Variants in ATG7 observed in about 807,000 individuals in gnomAD.
ATG7 encodes the protein autophagy related 7.
ATG7 carries 70 observed loss-of-function variants against 82.4 expected under a neutral mutation model. The observed-to-expected ratio is 0.85, with a 90% CI of 0.70 to 1.04. The LOEUF (loss-of-function observed/expected upper bound fraction) is 1.04, where lower values mean the gene tolerates loss of function less well. ATG7 is among the 50% of genes least tolerant of loss of function. The probability of loss-of-function intolerance (pLI) is 0.00; values close to 1 mark genes in which losing one functional copy is unlikely to be tolerated. For missense variants in ATG7, 792 were observed against 864.3 expected (o/e 0.92, Z 1.05); for synonymous variants, 287 against 313.0 (o/e 0.92, Z 0.88).
intron 19 of ATG7, among the ~76,000 whole-genome samples, chr3:11,413,124 T>C (rs770532934): frequency 8.5e-5 from 13 of 152,218 alleles, no homozygotes; most frequent in Non-Finnish European, 1.9e-4. Context: ...GAAATCGTTT[T>C]ACTTCTTCCT....
intron 19 of ATG7, among the ~76,000 whole-genome samples, chr3:11,388,659 A>G (rs2078513906): frequency 1.3e-5 from 2 of 151,832 alleles, no homozygotes; most frequent in Non-Finnish European, 2.9e-5. Flanking sequence ...GGATCTCCTG[A>G]CCTCATGATC....
At chr3:11,486,820 G>GTTTT (rs34251925) in intron 20 of ATG7, among the ~76,000 whole-genome samples, 2 of 132,024 alleles carry the variant, frequency 1.5e-5, no homozygotes, top group East Asian at 2.1e-4. Flanking sequence ...CTTTGGTTCT[G>GTTTT]TTTTTTTTTT....
the ATG7 span, among the ~76,000 whole-genome samples, chr3:11,564,369 C>T: frequency 6.6e-6 from 1 of 151,372 alleles, no homozygotes; most frequent in Non-Finnish European, 1.5e-5. Flanking sequence ...TGACATTTCC[C>T]TTCATCCGCG....
At chr3:11,517,470 G>GA (rs1160404057) in intron 20 of ATG7, among the ~76,000 whole-genome samples, 2 of 148,274 alleles carry the variant, frequency 1.3e-5, no homozygotes, top group Non-Finnish European at 2.9e-5. Flanking sequence ...TGAATTAAAA[G>GA]AAAAAAAACT....
At chr3:11,385,580 A>G (rs143374061) in intron 19 of ATG7, among the ~76,000 whole-genome samples, 16 of 152,324 alleles carry the variant, frequency 1.1e-4, no homozygotes, top group Middle Eastern at 3.4e-3. Flanking sequence ...TAAGCCAATA[A>G]TGATCTGTTC....
At chr3:11,460,000 G>A (rs1384062773) in intron 20 of ATG7, among the ~76,000 whole-genome samples, 1 of 152,144 alleles carries the variant, frequency 6.6e-6, no homozygotes, top group African/African-American at 2.4e-5. Flanking sequence ...GTCTCAAATC[G>A]TACAGAGATT....
intron 20 of ATG7, among the ~76,000 whole-genome samples, chr3:11,471,745 CTT>C (rs200590021): frequency 2.2e-4 from 23 of 105,688 alleles, no homozygotes; most frequent in African/African-American, 3.0e-4. Flanking sequence ...TTTTAGATTT[CTT>C]TTTTTTTTTT....
chr3:11,306,089 C>T (rs1473038238), intron 5 of ATG7, among the ~76,000 whole-genome samples: 1 of 152,216 alleles, frequency 6.6e-6, no homozygotes. Context: ...AACTCCTCTT[C>T]TCTTCTCCTG....
intron 5 of ATG7, among the ~76,000 whole-genome samples, chr3:11,303,839 C>A (rs1304927928): frequency 6.7e-6 from 1 of 149,714 alleles, no homozygotes; most frequent in Non-Finnish European, 1.5e-5. Flanking sequence ...CTTTGGGAGG[C>A]CGAGGCGGGT....
At chr3:11,552,788 G>GC (rs935090326) in intron 20 of ATG7, among the ~76,000 whole-genome samples, 17 of 152,222 alleles carry the variant, frequency 1.1e-4, no homozygotes, top group African/African-American at 3.6e-4. Context: ...CTGTCCAGGA[G>GC]CAAGGGGTCA....
intron 20 of ATG7, among the ~76,000 whole-genome samples, chr3:11,490,357 A>G (rs1306528291): frequency 2.0e-5 from 3 of 152,086 alleles, no homozygotes; most frequent in Non-Finnish European, 2.9e-5. Flanking sequence ...TTTTGAGCCT[A>G]TGTGTGTCTC....
chr3:11,411,619 CAAAAAAAA>C (rs71055868), intron 19 of ATG7, among the ~76,000 whole-genome samples: 24 of 71,758 alleles, frequency 3.3e-4, no homozygotes, highest in South Asian at 2.0e-3. Flanking sequence ...ACTCTGTCTC[CAAAAAAAA>C]AAAAAAAAAA....
intron 19 of ATG7, among the ~76,000 whole-genome samples, chr3:11,393,479 T>C (rs1204829076): frequency 6.6e-6 from 1 of 152,166 alleles, no homozygotes; most frequent in East Asian, 1.9e-4. Context: ...TCAGAAATAT[T>C]TAAAAATAAA....
intron 13 of ATG7, among the ~76,000 whole-genome samples, chr3:11,344,762 C>T (rs537127722): frequency 2.6e-5 from 4 of 152,096 alleles, no homozygotes; most frequent in East Asian, 1.9e-4. Context: ...TGCAGCTGCT[C>T]GGGAGCTGAG....
chr3:11,559,398 G>A, downstream of ATG7: 6 of 1,561,406 alleles, frequency 3.8e-6, no homozygotes, highest in Admixed American at 1.9e-5. Context: ...ATGGGGCAGT[G>A]CGAGAGGTTG....
At chr3:11,449,335 A>C (rs1012837521) in intron 20 of ATG7, among the ~76,000 whole-genome samples, 6 of 152,102 alleles carry the variant, frequency 3.9e-5, no homozygotes, top group African/African-American at 1.4e-4. Context: ...TTGCCACTGC[A>C]CTCCAGCCTG....
At chr3:11,573,857 C>T in the ATG7 span, among the ~76,000 whole-genome samples, 20 of 152,256 alleles carry the variant, frequency 1.3e-4, no homozygotes, top group Non-Finnish European at 1.9e-4. Context: ...GGGTCTTTAC[C>T]GAAGACCAAG....
chr3:11,275,411 C>T (rs544814398), intron 1 of ATG7, among the ~76,000 whole-genome samples: 77 of 150,644 alleles, frequency 5.1e-4, no homozygotes, highest in African/African-American at 7.6e-4. Flanking sequence ...TGCAGTGGCA[C>T]GATCTCGGCT....
intron 1 of ATG7, among the ~76,000 whole-genome samples, chr3:11,274,922 C>T (rs1038651431): frequency 2.0e-5 from 3 of 151,880 alleles, no homozygotes; most frequent in South Asian, 2.1e-4. Flanking sequence ...AAAACAGATG[C>T]GACATCCTCT....
Sources: allele counts gnomAD v4.1 joint callset (sites outside exome capture counted in the v4.1 genomes callset), GRCh38; gene constraint gnomAD v4.1.1; transcripts MANE v1.5; gene names NCBI Gene and HGNC (gene_info 2026-07-23, HGNC 2026-07-21).